MATN2: variants seen among roughly 807,000 people sequenced by gnomAD.
The protein encoded by MATN2 is matrilin 2.
MATN2 carries 69 observed loss-of-function variants against 103.2 expected under a neutral mutation model. The observed-to-expected ratio is 0.67, with a 90% CI of 0.55 to 0.82. The LOEUF (loss-of-function observed/expected upper bound fraction) is 0.82, where lower values mean the gene tolerates loss of function less well. Ranked by LOEUF, MATN2 falls within the 40% of genes least tolerant of loss-of-function variation. MATN2 has a pLI of 0.00. For synonymous variants in MATN2, 429 were observed against 450.2 expected, an observed-to-expected ratio of 0.95 and a Z score of 0.60; for missense variants, 1,023 against 1,211.5, an observed-to-expected ratio of 0.84 and a Z score of 2.31.
At chr8:97,941,995 C>T in intron 4 of MATN2, 96 bp downstream of exon 4, 1 of 1,443,660 alleles carries the variant, frequency 6.9e-7, no homozygotes, top group South Asian at 1.2e-5. Flanking sequence ...TGTGATGCCT[C>T]ACCCACCCCA....
In MATN2 at chr8:97,961,683, T is replaced by C. The variant is rs111375134; in HGVS notation, c.958+153T>C. Among the ~76,000 whole-genome samples the C allele has an allele frequency of 6.1e-3, 930 of 152,346 alleles. 10 individuals are homozygous for C. The highest frequency in any genetic ancestry group is 0.021 in the African/African-American group (853 of 41,580). Reference sequence around the variant, plus strand: ...GTTTGGTGTAGTTGTTAGGCAGAATTTGAACTTTAAAGGCTTCATTTATGG... The same window carrying C: ...GTTTGGTGTAGTTGTTAGGCAGAATCTGAACTTTAAAGGCTTCATTTATGG... On this transcript the variant is annotated intron_variant, in intron 5 of 18. Transcript: ENST00000254898.
intron 18 of MATN2, chr8:98,034,154 T>G: frequency 2.3e-6 from 1 of 429,888 alleles, no homozygotes; most frequent in Non-Finnish European, 4.7e-6. Context: ...AGTGGTTTTT[T>G]CTTTTTTTTC....
At chr8:97,888,577 C>G (rs532414317) in intron 2 of MATN2, among the ~76,000 whole-genome samples, 1 of 152,148 alleles carries the variant, frequency 6.6e-6, no homozygotes, top group South Asian at 2.1e-4. Flanking sequence ...TTGGGTTTGC[C>G]CAGCTAGATC....
intron 1 of MATN2, among the ~76,000 whole-genome samples, chr8:97,870,596 T>C (rs1817860510): frequency 2.0e-5 from 3 of 152,180 alleles, no homozygotes; most frequent in African/African-American, 7.2e-5. Context: ...GTGAGTTCCA[T>C]GGCTTGTCTT....
chr8:98,018,940 T>C (rs1391066599), intron 12 of MATN2, among the ~76,000 whole-genome samples: 1 of 151,788 alleles, frequency 6.6e-6, no homozygotes, highest in African/African-American at 2.4e-5. Flanking sequence ...CAGAACAGGC[T>C]CTGAGAGTTT....
intron 2 of MATN2, among the ~76,000 whole-genome samples, chr8:97,911,668 C>G (rs1445613612): frequency 1.3e-5 from 2 of 151,964 alleles, no homozygotes; most frequent in African/African-American, 4.8e-5. Flanking sequence ...GATCACACCA[C>G]TGTACTCCAG....
chr8:98,001,753 C>T (rs566493629), intron 7 of MATN2, among the ~76,000 whole-genome samples: 5 of 151,070 alleles, frequency 3.3e-5, no homozygotes, highest in African/African-American at 4.9e-5. Flanking sequence ...GCTGGGATTA[C>T]AGGCATGAGC....
At chr8:97,964,185 T>G (rs1029945866) in intron 5 of MATN2, among the ~76,000 whole-genome samples, 3 of 152,098 alleles carry the variant, frequency 2.0e-5, no homozygotes, top group Non-Finnish European at 2.9e-5. Context: ...AGAGAGAGAC[T>G]GTTACAGTGA....
intron 2 of MATN2, among the ~76,000 whole-genome samples, chr8:97,901,397 C>T (rs1191394190): frequency 6.6e-6 from 1 of 152,008 alleles, no homozygotes; most frequent in East Asian, 1.9e-4. Flanking sequence ...GGATTACAGG[C>T]ACGCACCACC....
intron 7 of MATN2, among the ~76,000 whole-genome samples, chr8:98,000,466 G>T (rs894535697): frequency 6.6e-5 from 10 of 151,596 alleles, no homozygotes; most frequent in African/African-American, 2.4e-4. Context: ...GTGTGGTAGC[G>T]GGCACCTGTA....
In MATN2 at chr8:97,869,134, G is replaced by A. The variant is rs1455424757; in HGVS notation, c.-180G>A. On this transcript the variant is annotated 5_prime_UTR_variant, in exon 1 of 19. Coordinates refer to ENST00000254898, the MANE Select transcript of MATN2 (RefSeq NM_002380.5). ...GGACTTGGAGCAAGCGGCGGCGGCG[G>A]AGACAGAGGCAGAGGCAGAAGCTGG... 1 of 152,310 alleles carries A rather than the reference G, an allele frequency of 6.6e-6. No homozygotes were observed. The highest frequency in any genetic ancestry group is 1.5e-5 in the Non-Finnish European group (1 of 68,254). The allele number at this position is 152,310 out of a possible 1,614,324, so 9.4% of individuals were successfully genotyped here.
chr8:97,930,520 G>C (rs1810143102), intron 2 of MATN2: 1 of 158,716 alleles, frequency 6.3e-6, no homozygotes, highest in Admixed American at 5.9e-5. Context: ...TCATGAGTGG[G>C]GAGGAAAATT....
chr8:97,992,286 G>A (rs1025296283), intron 6 of MATN2, among the ~76,000 whole-genome samples: 11 of 152,062 alleles, frequency 7.2e-5, no homozygotes, highest in African/African-American at 2.7e-4. Context: ...GTATTTAAGT[G>A]TTTCTTGTTT....
At chr8:97,965,828 T>C (rs1264492809) in intron 5 of MATN2, among the ~76,000 whole-genome samples, 1 of 151,386 alleles carries the variant, frequency 6.6e-6, no homozygotes, top group Non-Finnish European at 1.5e-5. Flanking sequence ...TAAAAAAAAA[T>C]ACAAAATTAG....
chr8:98,030,658 G>A (rs770332612), intron 15 of MATN2, 44 bp downstream of exon 15: 1 of 1,578,332 alleles, frequency 6.3e-7, no homozygotes, highest in African/African-American at 1.4e-5. Flanking sequence ...AAGGCAGCAT[G>A]AACTCCTTTT....
chr8:97,945,717 A>T (rs2512027), intron 4 of MATN2, among the ~76,000 whole-genome samples: 9,583 of 121,766 alleles, frequency 0.079, 401 homozygotes, highest in Middle Eastern at 0.11. Context: ...AAAAAAAAAA[A>T]ATATATATAT....
chr8:98,017,881 C>A, intron 11 of MATN2, 113 bp from the exon 12 acceptor site: 11 of 1,198,516 alleles, frequency 9.2e-6, no homozygotes, highest in Non-Finnish European at 1.2e-6. Context: ...GACCACTGAG[C>A]TCAGGTGGCA....
intron 6 of MATN2, among the ~76,000 whole-genome samples, chr8:97,991,767 T>C (rs1382799312): frequency 2.0e-5 from 3 of 152,140 alleles, no homozygotes; most frequent in African/African-American, 7.2e-5. Context: ...TCTTGCTATG[T>C]TGCTCAGGCT....
chr8:97,989,060 T>A (rs1344341268), intron 6 of MATN2, among the ~76,000 whole-genome samples: 2 of 152,188 alleles, frequency 1.3e-5, no homozygotes, highest in Non-Finnish European at 2.9e-5. Flanking sequence ...TCAATGTAAT[T>A]CATAATATTA....
Sources: allele counts gnomAD v4.1 joint callset (sites outside exome capture counted in the v4.1 genomes callset), GRCh38; gene constraint gnomAD v4.1.1; transcripts MANE v1.5; gene names NCBI Gene and HGNC (gene_info 2026-07-23, HGNC 2026-07-21).